Variants in COG5 observed in about 807,000 individuals in gnomAD.
COG5 encodes component of oligomeric golgi complex 5, also known as conserved oligomeric Golgi complex subunit 5.
COG5 carries 86 observed loss-of-function variants against 110.4 expected under a neutral mutation model. That is an observed-to-expected ratio of 0.78 (90% confidence interval 0.65 to 0.93). The LOEUF (loss-of-function observed/expected upper bound fraction) is 0.93. Ranked by LOEUF, COG5 falls within the 40% of genes least tolerant of loss-of-function variation. The pLI, the probability that COG5 is intolerant of heterozygous loss-of-function variation, is 0.00. For synonymous variants in COG5, 360 were observed against 334.6 expected (o/e 1.08, Z -0.83); for missense variants, 1,077 against 987.0 (o/e 1.09, Z -1.22).
intron 5 of COG5, among the ~76,000 whole-genome samples, chr7:107,545,496 T>C (rs972884552): frequency 4.6e-5 from 7 of 151,636 alleles, no homozygotes; most frequent in African/African-American, 9.7e-5. Context: ...TGAAAGAAAA[T>C]AGGCTGGGTG....
intron 11 of COG5, among the ~76,000 whole-genome samples, chr7:107,309,073 T>G (rs547197453): frequency 6.6e-6 from 1 of 150,838 alleles, no homozygotes; most frequent in Non-Finnish European, 1.5e-5. Context: ...TACTACTGAA[T>G]GACAATTATT....
In COG5 at chr7:107,204,111, A is replaced by C. The variant is rs575523549; in HGVS notation, c.2376-481T>G. 1.1e-4 allele frequency among the ~76,000 whole-genome samples: 16 copies of C among 152,338 alleles called. No individual in the cohort carries two copies. In the South Asian group the frequency reaches 3.1e-3, roughly 30 times the overall value. On this transcript the variant is annotated intron_variant, in intron 21 of 21. Coordinates refer to ENST00000297135, the MANE Select transcript of COG5 (RefSeq NM_006348.5). ...TCCTGTTATTTGATGAACTATGAACAACCAACAACTAGAATAAGTGCTCTT... is the reference window on the plus strand; with the variant it reads ...TCCTGTTATTTGATGAACTATGAACCACCAACAACTAGAATAAGTGCTCTT...
rs375718459 is a variant in COG5, at chr7:107,491,352, T to A, written c.538+35885A>T. ...AGATCAAGCTGGAGGATGTGGGTTA[T>A]CATACAGCACATCCCAATAAAACAC... On this transcript the variant is annotated intron_variant, in intron 6 of 21. Coordinates refer to ENST00000297135, the MANE Select transcript of COG5 (RefSeq NM_006348.5). Among the ~76,000 whole-genome samples the A allele has an allele frequency of 8.5e-5, 13 of 152,228 alleles. No homozygotes were observed. The South Asian group carries it at 2.1e-3, about 24-fold the overall frequency.
rs527413932 is a variant in COG5, at chr7:107,325,323, T to A, written c.1027-802A>T. ...AATACTGCCAATATTCTACTATTTTTGCAGCCAGAAATGCCAACTTCATAT... is the reference window on the plus strand; with the variant it reads ...AATACTGCCAATATTCTACTATTTTAGCAGCCAGAAATGCCAACTTCATAT... On this transcript the variant is annotated intron_variant, in intron 10 of 21. Transcript: ENST00000297135. Among the ~76,000 whole-genome samples the A allele has an allele frequency of 1.4e-4, 21 of 152,352 alleles. No individual in the cohort carries two copies. In the East Asian group the frequency reaches 4.0e-3, roughly 29 times the overall value.
At chr7:107,444,729 T>C (rs753033080) in intron 6 of COG5, among the ~76,000 whole-genome samples, 9 of 152,152 alleles carry the variant, frequency 5.9e-5, no homozygotes, top group Non-Finnish European at 1.3e-4. Flanking sequence ...AATAAAAGAA[T>C]AGCGATTTTC....
chr7:107,402,763 T>G (rs1220834786), intron 7 of COG5, among the ~76,000 whole-genome samples: 3 of 152,120 alleles, frequency 2.0e-5, no homozygotes, highest in Admixed American at 1.3e-4. Context: ...GCCTATAGAG[T>G]TGAAAAATGT....
At chr7:107,334,739 T>C (rs1810563631) in intron 10 of COG5, among the ~76,000 whole-genome samples, 1 of 151,758 alleles carries the variant, frequency 6.6e-6, no homozygotes, top group Admixed American at 6.6e-5. Context: ...CCATCAGACC[T>C]GTCTTACAAG....
At position 107,563,732 on chromosome 7, in the gene COG5, C is replaced by T. The variant is rs867445170; in HGVS notation, c.94+71G>A. On this transcript the variant is annotated intron_variant, in intron 1 of 21. Transcript: ENST00000297135. ...TTTCTGCAAAGCAACGGGTTGGGTCCACCTCGCTGTCCAGGTGCGGAGCAG... is the reference window on the plus strand; with the variant it reads ...TTTCTGCAAAGCAACGGGTTGGGTCTACCTCGCTGTCCAGGTGCGGAGCAG... The T allele has an allele frequency of 5.3e-5, 83 of 1,557,062 alleles. No homozygotes were observed. In the African/African-American group the frequency reaches 8.5e-4, roughly 16 times the overall value.
chr7:107,230,536 T>C, intron 19 of COG5, 79 bp downstream of exon 19: 2 of 1,080,260 alleles, frequency 1.9e-6, no homozygotes, highest in Non-Finnish European at 1.4e-6. Context: ...ATATTGGCAA[T>C]TTTATGAAGT....
Position 107,474,456 on chromosome 7 carries a change from C to T in COG5, c.538+52781G>A, listed in dbSNP as rs1584870645. On this transcript the variant is annotated intron_variant, in intron 6 of 21. Transcript: ENST00000297135. This position sits in a 1 kb window ranked among gnomAD's most constrained non-coding sequence, Gnocchi z 5.7. Reference sequence around the variant, plus strand: ...TTGCAAGTGTCTCAACAGCAATCAACGTTTTTGCTATCACTTTGGACAGAT... The same window carrying T: ...TTGCAAGTGTCTCAACAGCAATCAATGTTTTTGCTATCACTTTGGACAGAT... The T allele has an allele frequency of 3.1e-6, 5 of 1,613,346 alleles. No individual in the cohort carries two copies. Among genetic ancestry groups the T allele is most frequent in the African/African-American group, 1.3e-5 (1 of 74,998 alleles).
At chr7:107,533,123 A>G (rs1421431650) in intron 5 of COG5, among the ~76,000 whole-genome samples, 1 of 151,550 alleles carries the variant, frequency 6.6e-6, no homozygotes, top group African/African-American at 2.4e-5. Context: ...TGAAAGCAAT[A>G]GCATCAACAC....
At chr7:107,557,093 C>A (rs1803380488) in intron 2 of COG5, among the ~76,000 whole-genome samples, 4 of 151,936 alleles carry the variant, frequency 2.6e-5, no homozygotes, top group Admixed American at 2.6e-4. Flanking sequence ...AAATATCTGT[C>A]AATAAAGATT....
At chr7:107,534,471 T>C (rs1022177408) in intron 5 of COG5, among the ~76,000 whole-genome samples, 7 of 150,942 alleles carry the variant, frequency 4.6e-5, no homozygotes, top group Admixed American at 3.3e-4. Context: ...TGGGTGAATA[T>C]TTACCAAGCA....
intron 16 of COG5, among the ~76,000 whole-genome samples, chr7:107,251,199 A>G (rs575738137): frequency 6.6e-6 from 1 of 152,160 alleles, no homozygotes; most frequent in Non-Finnish European, 1.5e-5. Flanking sequence ...TCTTCTTATC[A>G]GAAAGCATGG....
chr7:107,432,189 A>G (rs188229554), intron 6 of COG5, among the ~76,000 whole-genome samples: 14 of 152,344 alleles, frequency 9.2e-5, no homozygotes. Context: ...GCTTTGGCAT[A>G]AGCATTAAAT....
At chr7:107,363,024 G>C (rs529165883) in intron 8 of COG5, among the ~76,000 whole-genome samples, 1 of 152,238 alleles carries the variant, frequency 6.6e-6, no homozygotes, top group East Asian at 1.9e-4. Context: ...ATTTTTGCTG[G>C]ATGTGGTATT....
intron 10 of COG5, among the ~76,000 whole-genome samples, chr7:107,343,408 T>TAGTG (rs1233046978): frequency 6.6e-6 from 1 of 152,104 alleles, no homozygotes; most frequent in African/African-American, 2.4e-5. Flanking sequence ...AGGCCAGGCA[T>TAGTG]AGTGGTTCAT....
At chr7:107,231,745 T>G (rs1361976584) in intron 18 of COG5, among the ~76,000 whole-genome samples, 2 of 152,342 alleles carry the variant, frequency 1.3e-5, no homozygotes, top group Non-Finnish European at 2.9e-5. Flanking sequence ...GAGAAACATT[T>G]TGACTGCCTT....
chr7:107,544,903 A>G (rs975332563), intron 5 of COG5, among the ~76,000 whole-genome samples: 4 of 152,246 alleles, frequency 2.6e-5, no homozygotes, highest in Non-Finnish European at 5.9e-5. Flanking sequence ...GGAAAACAAT[A>G]AACAAACAAA....
Sources: allele counts gnomAD v4.1 joint callset (sites outside exome capture counted in the v4.1 genomes callset), GRCh38; gene constraint gnomAD v4.1.1; non-coding constraint Gnocchi (gnomAD v3.1); transcripts MANE v1.5; gene names NCBI Gene and HGNC (gene_info 2026-07-23, HGNC 2026-07-21).